Variants in NR6A1 observed in about 807,000 individuals in gnomAD.
NR6A1 encodes the protein retinoic acid receptor-related testis-associated receptor.
Under a neutral mutation model 59.1 loss-of-function variants are expected in NR6A1, and 7 were observed. That is an observed-to-expected ratio of 0.12 (90% CI 0.07 to 0.22). NR6A1 has a LOEUF of 0.22. Ranked by LOEUF, NR6A1 falls within the 10% of genes least tolerant of loss-of-function variation. The pLI is 1.00. For missense variants in NR6A1, 468 were observed against 611.6 expected, an observed-to-expected ratio of 0.77 and a Z score of 2.48; for synonymous variants, 243 against 236.1, an observed-to-expected ratio of 1.03 and a Z score of -0.27.
At position 124,701,120 on chromosome 9, in the gene NR6A1, T is replaced by A. The variant is rs549495808; in HGVS notation, c.142+32188A>T. ...TTCTCTTGGATATCCAGGAGTGGAA[T>A]TGCTGGATCATATGGTAAGTTTAAC... On this transcript the variant is annotated intron_variant, in intron 2 of 9. Transcript: ENST00000487099. Among the ~76,000 whole-genome samples the A allele has an allele frequency of 6.6e-5, 10 of 152,302 alleles. No individual in the cohort carries two copies. The South Asian group carries it at 2.1e-3, about 32-fold the overall frequency.
intron 7 of NR6A1, 78 bp from the exon 8 acceptor site, chr9:124,526,978 C>A: frequency 6.4e-7 from 1 of 1,560,762 alleles, no homozygotes. Context: ...AGAGCTCCTA[C>A]AGCTCCTTAA....
intron 2 of NR6A1, among the ~76,000 whole-genome samples, chr9:124,720,990 A>G (rs1353042228): frequency 6.6e-6 from 1 of 152,198 alleles, no homozygotes; most frequent in Non-Finnish European, 1.5e-5. Context: ...ATAAAATAAA[A>G]CAAATGTTTA....
chr9:124,566,842 C>T (rs995070062), intron 2 of NR6A1, among the ~76,000 whole-genome samples: 4 of 152,204 alleles, frequency 2.6e-5, no homozygotes, highest in African/African-American at 4.8e-5. Flanking sequence ...GGCGCGGTGG[C>T]TCACGCCTGT....
chr9:124,769,444 G>A (rs886678583), intron 1 of NR6A1, among the ~76,000 whole-genome samples: 2 of 152,128 alleles, frequency 1.3e-5, no homozygotes, highest in Non-Finnish European at 2.9e-5. Flanking sequence ...GATTTCCACC[G>A]TCTGTAGCTA....
intron 3 of NR6A1, among the ~76,000 whole-genome samples, chr9:124,554,070 T>C (rs773240983): frequency 2.8e-4 from 43 of 152,326 alleles, no homozygotes; most frequent in Admixed American, 5.2e-4. Context: ...TTAATCCCAG[T>C]TAAGACCTGA....
intron 1 of NR6A1, among the ~76,000 whole-genome samples, chr9:124,746,060 C>A (rs1840325442): frequency 1.3e-5 from 2 of 149,586 alleles, no homozygotes; most frequent in African/African-American, 2.5e-5. Flanking sequence ...ACAGCTTCAA[C>A]TGAAGGGGAA....
chr9:124,533,817 A>G (rs1051936181), intron 7 of NR6A1, among the ~76,000 whole-genome samples: 1 of 151,976 alleles, frequency 6.6e-6, no homozygotes, highest in South Asian at 2.1e-4. Context: ...TGCCCGGCTA[A>G]TTTTTGTATT....
intron 2 of NR6A1, among the ~76,000 whole-genome samples, chr9:124,634,153 C>A (rs1322570262): frequency 2.6e-5 from 4 of 151,810 alleles, no homozygotes; most frequent in Non-Finnish European, 5.9e-5. Context: ...TATAAGATAA[C>A]AAAGGAAAAG....
intron 1 of NR6A1, among the ~76,000 whole-genome samples, chr9:124,769,761 T>C (rs527779983): frequency 5.3e-5 from 8 of 152,268 alleles, no homozygotes; most frequent in Non-Finnish European, 5.9e-5. Context: ...AATAAATAAA[T>C]CGGGTTTGCC....
At chr9:124,587,303 C>G (rs1490634028) in intron 2 of NR6A1, among the ~76,000 whole-genome samples, 1 of 152,122 alleles carries the variant, frequency 6.6e-6, no homozygotes, top group African/African-American at 2.4e-5. Context: ...GAGTGACTTG[C>G]TTTATTGTAG....
intron 2 of NR6A1, among the ~76,000 whole-genome samples, chr9:124,617,127 C>G (rs1317131859): frequency 6.6e-6 from 1 of 152,188 alleles, no homozygotes; most frequent in East Asian, 1.9e-4. Context: ...GACTTTTAGA[C>G]TTCACCCAGT....
In NR6A1 at chr9:124,665,360, A is replaced by G. The variant is rs1369563335; in HGVS notation, c.142+67948T>C. 2.6e-5 allele frequency among the ~76,000 whole-genome samples: 4 copies of G among 152,210 alleles called. No individual in the cohort carries two copies. In the East Asian group the frequency reaches 7.7e-4, roughly 29 times the overall value. ...TTTCATTCAACCAAAGAATTATGCT[A>G]AACTATAAGATCTTAACAGACTTTC... On this transcript the variant is annotated intron_variant, in intron 2 of 9. Transcript: ENST00000487099.
intron 1 of NR6A1, among the ~76,000 whole-genome samples, chr9:124,766,806 T>C (rs1286549801): frequency 6.6e-6 from 1 of 152,250 alleles, no homozygotes. Context: ...CCTGGCTTTA[T>C]GCAATTCTTA....
At chr9:124,550,481 A>G (rs759032866) in intron 3 of NR6A1, among the ~76,000 whole-genome samples, 1 of 147,606 alleles carries the variant, frequency 6.8e-6, no homozygotes, top group Non-Finnish European at 1.5e-5. Flanking sequence ...TAGCCTCCAG[A>G]GTAGCCGGGA....
At chr9:124,753,452 G>A (rs1840559658) in intron 1 of NR6A1, among the ~76,000 whole-genome samples, 1 of 152,082 alleles carries the variant, frequency 6.6e-6, no homozygotes, top group Non-Finnish European at 1.5e-5. Flanking sequence ...AATTAAATAA[G>A]CAATATATTA....
intron 2 of NR6A1, among the ~76,000 whole-genome samples, chr9:124,600,697 TATG>T (rs1274280112): frequency 6.6e-6 from 1 of 152,042 alleles, no homozygotes; most frequent in Non-Finnish European, 1.5e-5. Flanking sequence ...TAAATGACAG[TATG>T]ATGTTATGAG....
At chr9:124,689,016 C>T (rs1057294182) in intron 2 of NR6A1, among the ~76,000 whole-genome samples, 9 of 152,212 alleles carry the variant, frequency 5.9e-5, no homozygotes, top group Non-Finnish European at 8.8e-5. Context: ...AGTGGTAGAG[C>T]ATTAATTCCA....
chr9:124,692,861 T>C (rs1838606460), intron 2 of NR6A1, among the ~76,000 whole-genome samples: 1 of 152,244 alleles, frequency 6.6e-6, no homozygotes, highest in Non-Finnish European at 1.5e-5. Flanking sequence ...ATACGTATTT[T>C]GTTTTGGAAT....
chr9:124,583,483 T>C (rs950530258), intron 2 of NR6A1, among the ~76,000 whole-genome samples: 5 of 152,198 alleles, frequency 3.3e-5, no homozygotes, highest in Non-Finnish European at 7.3e-5. Context: ...ACTGTGCTTG[T>C]GCTCCTTTCT....
Sources: gnomAD v4.1 joint callset for allele counts (sites outside exome capture counted in the v4.1 genomes callset) on GRCh38, gnomAD v4.1.1 for gene constraint, MANE v1.5 for transcripts, NCBI Gene and HGNC (gene_info 2026-07-23, HGNC 2026-07-21) for gene names.